Variants in CCDC14 observed in about 807,000 individuals in gnomAD.
The protein encoded by CCDC14 is coiled-coil domain-containing protein 14.
CCDC14 carries 71 observed loss-of-function variants against 81.4 expected under a neutral mutation model. That is an observed-to-expected ratio of 0.87 (90% CI 0.72 to 1.06). CCDC14 has a LOEUF of 1.06. CCDC14 is among the 50% of genes least tolerant of loss of function. The pLI is 0.00. For synonymous variants in CCDC14, 332 were observed against 364.8 expected, an observed-to-expected ratio of 0.91 and a Z score of 1.03; for missense variants, 1,046 against 1,047.3, an observed-to-expected ratio of 1.00 and a Z score of 0.02.
intron 5 of CCDC14, among the ~76,000 whole-genome samples, chr3:123,904,648 C>A (rs2034264597): frequency 6.8e-6 from 1 of 146,974 alleles, no homozygotes. Context: ...CTGGGATGTG[C>A]AACTGTAACA....
chr3:123,937,655 G>A (rs2036123981), intron 9 of CCDC14, among the ~76,000 whole-genome samples: 1 of 151,782 alleles, frequency 6.6e-6, no homozygotes, highest in Admixed American at 6.6e-5. Context: ...AAGAACTGAA[G>A]TTTTAAATTT....
At chr3:123,892,240 C>T in the CCDC14 span, among the ~76,000 whole-genome samples, 1 of 152,218 alleles carries the variant, frequency 6.6e-6, no homozygotes, top group Non-Finnish European at 1.5e-5. Context: ...TGTGCACCCC[C>T]AGGCCCAACA....
chr3:123,948,180 T>G (rs955131299), intron 7 of CCDC14, among the ~76,000 whole-genome samples: 1 of 152,032 alleles, frequency 6.6e-6, no homozygotes, highest in African/African-American at 2.4e-5. Context: ...TACTGATCTC[T>G]TCCCCTCTTT....
Position 123,961,208 on chromosome 3 carries a change from A to G in CCDC14, c.-35T>C. On this transcript the variant is annotated 5_prime_UTR_variant, in exon 1 of 13. Coordinates refer to ENST00000409697, the MANE Select transcript of CCDC14 (RefSeq NM_001366335.1). ...CCTCAGAGAAGCCCAGACCGAGGGA[A>G]GTGAAGCCTCACGGTAAAAAGAATT... The G allele has an allele frequency of 1.3e-6, 2 of 1,551,594 alleles. No homozygotes were observed. The highest frequency in any genetic ancestry group is 1.7e-6 in the Non-Finnish European group (2 of 1,146,996).
chr3:123,938,353 C>T (rs768054945), intron 9 of CCDC14, among the ~76,000 whole-genome samples: 7 of 151,792 alleles, frequency 4.6e-5, no homozygotes, highest in Non-Finnish European at 4.4e-5. Flanking sequence ...AAATTTATCC[C>T]TAAATTGTTC....
At chr3:123,906,509 G>A (rs1407157245) in intron 5 of CCDC14, among the ~76,000 whole-genome samples, 4 of 151,426 alleles carry the variant, frequency 2.6e-5, no homozygotes, top group Non-Finnish European at 5.9e-5. Context: ...AGTAGTAGGA[G>A]GAAATATTTA....
intron 9 of CCDC14, among the ~76,000 whole-genome samples, chr3:123,936,796 C>G (rs72964807): frequency 2.6e-5 from 4 of 152,002 alleles, no homozygotes; most frequent in Non-Finnish European, 5.9e-5. Context: ...TCCTGTGACA[C>G]GTGTTTACCT....
intron 5 of CCDC14, chr3:123,955,323 C>T (rs1382327673): frequency 6.6e-6 from 1 of 152,032 alleles, no homozygotes; most frequent in Non-Finnish European, 1.5e-5. Context: ...AAAAGTTAGC[C>T]GTGAGGGTGT....
At chr3:123,916,498 GT>G (rs1453013228) in intron 12 of CCDC14, among the ~76,000 whole-genome samples, 21 of 151,304 alleles carry the variant, frequency 1.4e-4, no homozygotes, top group African/African-American at 5.1e-4. Flanking sequence ...GTGTGTGTGT[GT>G]GTGGCACAAT....
chr3:123,957,186 A>G (rs2037374817), intron 1 of CCDC14: 1 of 152,432 alleles, frequency 6.6e-6, no homozygotes, highest in African/African-American at 2.4e-5. Flanking sequence ...TTAATGTGAT[A>G]TATCCTAAAA....
At chr3:123,912,241 G>A (rs1421039371), downstream of CCDC14, among the ~76,000 whole-genome samples, 4 of 152,104 alleles carry the variant, frequency 2.6e-5, no homozygotes, top group Non-Finnish European at 4.4e-5. Flanking sequence ...CTACTAATAC[G>A]CTTTTTGCAC....
At chr3:123,928,641 T>C (rs1046927496) in intron 12 of CCDC14, among the ~76,000 whole-genome samples, 6 of 152,216 alleles carry the variant, frequency 3.9e-5, no homozygotes, top group Non-Finnish European at 8.8e-5. Flanking sequence ...GCTTCACACA[T>C]ATATATTTGG....
intron 10 of CCDC14, among the ~76,000 whole-genome samples, chr3:123,932,733 T>C (rs2035810003): frequency 6.6e-6 from 1 of 152,168 alleles, no homozygotes; most frequent in African/African-American, 2.4e-5. Context: ...TAAGGACAAT[T>C]TGGCAATATC....
chr3:123,950,108 C>G (rs942860774), intron 5 of CCDC14, among the ~76,000 whole-genome samples: 1 of 152,136 alleles, frequency 6.6e-6, no homozygotes, highest in African/African-American at 2.4e-5. Flanking sequence ...AATACTATTT[C>G]CCTAATTAGG....
rs1436850278 is a variant in CCDC14 at position 123,913,758 on chromosome 3, C to T, written c.*1021G>A. The T allele has an allele frequency of 4.1e-6, 4 of 984,328 alleles. No individual in the cohort carries two copies. The highest frequency in any genetic ancestry group is 4.8e-6 in the Non-Finnish European group (4 of 829,788). 61.0% of individuals were successfully genotyped at this position (984,328 alleles called of 1,614,324 possible). On this transcript the variant is annotated 3_prime_UTR_variant, in exon 13 of 13. Transcript: ENST00000409697. Reference sequence around the variant, plus strand: ...ACACTCTTTAATGATAAAGCCTGTCCAAGTACTAAGGACAATTAGAGTAGG... The same window carrying T: ...ACACTCTTTAATGATAAAGCCTGTCTAAGTACTAAGGACAATTAGAGTAGG...
At chr3:123,917,232 G>A (rs927105213) in intron 12 of CCDC14, among the ~76,000 whole-genome samples, 5 of 151,498 alleles carry the variant, frequency 3.3e-5, no homozygotes, top group Non-Finnish European at 5.9e-5. Context: ...GGTGGCTCAT[G>A]CCTGTAATCC....
intron 5 of CCDC14, among the ~76,000 whole-genome samples, chr3:123,952,415 A>G (rs2037070739): frequency 6.6e-6 from 1 of 152,206 alleles, no homozygotes; most frequent in South Asian, 2.1e-4. Flanking sequence ...GAAGACAGCA[A>G]TGTATGTTAC....
downstream of CCDC14, among the ~76,000 whole-genome samples, chr3:123,896,577 A>G (rs574713461): frequency 1.2e-4 from 18 of 152,254 alleles, no homozygotes; most frequent in East Asian, 3.5e-3. Context: ...TCTCACTTAC[A>G]TGTAGAATCT....
chr3:123,942,768 T>C (rs890128830), intron 9 of CCDC14, among the ~76,000 whole-genome samples: 7 of 152,056 alleles, frequency 4.6e-5, no homozygotes, highest in African/African-American at 1.7e-4. Context: ...CACTGAAGTG[T>C]TGGCCTTGAT....
Sources: allele counts gnomAD v4.1 joint callset (sites outside exome capture counted in the v4.1 genomes callset), GRCh38; gene constraint gnomAD v4.1.1; transcripts MANE v1.5; gene names NCBI Gene and HGNC (gene_info 2026-07-23, HGNC 2026-07-21).